The following ABCA8 variants were observed in gnomAD, a reference collection of about 807,000 sequenced individuals.
ABCA8 encodes ABC-type organic anion transporter ABCA8.
Under a neutral mutation model 192.3 loss-of-function variants are expected in ABCA8, and 177 were observed. The ratio of observed to expected loss-of-function variants is 0.92; its 90% CI spans 0.81 to 1.04. ABCA8 has a LOEUF of 1.04. Ranked by LOEUF, ABCA8 falls within the 50% of genes least tolerant of loss-of-function variation. The pLI is 0.00. For missense variants in ABCA8, 1,915 were observed against 1,904.8 expected (o/e 1.01, Z -0.10); for synonymous variants, 642 against 690.2 (o/e 0.93, Z 1.09).
intron 34 of ABCA8, 24 bp downstream of exon 34, chr17:68,876,604 A>C: frequency 6.2e-7 from 1 of 1,614,142 alleles, no homozygotes. Flanking sequence ...GCACTTGCAG[A>C]GCAACACCAA....
chr17:68,868,133 A>G lies in ABCA8; in HGVS notation c.4818T>C (p.Asp1606=). The G allele has an allele frequency of 5.6e-6, 9 of 1,613,258 alleles. No homozygotes were observed. The highest frequency in any genetic ancestry group is 7.6e-6 in the Non-Finnish European group (9 of 1,179,604). Residue 1606 remains aspartate, a synonymous_variant, in exon 40 of 40, where the codon GAT becomes GAC. Transcript: ENST00000586539. ...KEQELGDFEE[D]FDPSVKWKLL... is the part of the protein sequence containing the mutation. The stretch of plus-strand genomic sequence containing the variant: ...GCTTCCACTTCACTGAGGGATCAAA[A>G]TCCTCCTCAAAATCACCCAGCTCCT...
chr17:68,907,494 C>A (rs1343524644), intron 18 of ABCA8, among the ~76,000 whole-genome samples: 1 of 151,942 alleles, frequency 6.6e-6, no homozygotes, highest in East Asian at 1.9e-4. Flanking sequence ...TTATGTTACA[C>A]ACTACTAGGG....
intron 3 of ABCA8, 48 bp downstream of exon 3, chr17:68,941,891 C>A: frequency 7.3e-7 from 1 of 1,361,384 alleles, no homozygotes; most frequent in Non-Finnish European, 1.0e-6. Flanking sequence ...CCAGGCAACA[C>A]GTATTTTCCT....
chr17:68,954,438 A>G lies in ABCA8; in HGVS notation c.-167+781T>C, dbSNP rs148054511. On this transcript the variant is annotated intron_variant, in intron 1 of 39. Coordinates refer to ENST00000586539, the MANE Select transcript of ABCA8 (RefSeq NM_001288985.2). ...TTATTGCCAACTTTGTTTCTTTCCA[A>G]TTTTTGTATGTTCTGCAGTTTATGT... Among the ~76,000 whole-genome samples the G allele has an allele frequency of 1.0e-3, 158 of 152,040 alleles. 1 individual carries two copies. The Middle Eastern group carries it at 0.024, about 23-fold the overall frequency.
intron 37 of ABCA8, among the ~76,000 whole-genome samples, chr17:68,874,953 G>C (rs904237989): frequency 1.3e-5 from 2 of 152,052 alleles, no homozygotes; most frequent in East Asian, 1.9e-4. Flanking sequence ...ATTTACGAAG[G>C]ATACTCACAA....
intron 7 of ABCA8, 153 bp downstream of exon 7, chr17:68,932,135 G>C (rs1193268610): frequency 1.8e-6 from 1 of 557,060 alleles, no homozygotes; most frequent in Non-Finnish European, 3.1e-6. Flanking sequence ...GCGTGAACCT[G>C]TGAGGCGGAG....
At chr17:68,880,974 G>C in intron 32 of ABCA8, 146 bp downstream of exon 32, 1 of 667,422 alleles carries the variant, frequency 1.5e-6, no homozygotes. Context: ...GCATTTATGT[G>C]ATAATTCGTG....
intron 21 of ABCA8, among the ~76,000 whole-genome samples, chr17:68,900,227 A>T (rs2066870988): frequency 1.3e-5 from 2 of 152,078 alleles, no homozygotes; most frequent in African/African-American, 4.8e-5. Flanking sequence ...GAAAAATAAA[A>T]TAACATGAAA....
In ABCA8 at chr17:68,875,713, A is replaced by T. The variant is rs2066185985; in HGVS notation, c.4391T>A (p.Phe1464Tyr). The T allele has an allele frequency of 1.2e-6, 2 of 1,614,004 alleles. No individual in the cohort carries two copies. Among genetic ancestry groups the T allele is most frequent in the African/African-American group, 1.3e-5 (1 of 75,036 alleles). The change falls in exon 36 of 40, where the codon TTT becomes TAT. Residue 1464 changes from phenylalanine to tyrosine, a missense_variant. Phe to Tyr is a conservative substitution (Grantham distance 22). Transcript: ENST00000586539. Reference protein sequence around the residue: ...QQMWQAIRATFRNTERGALLT... With the variant: ...QQMWQAIRATYRNTERGALLT... Reference sequence around the variant, plus strand: ...GAGGGCACCCCTTTCCGTGTTTCTAAAGGTGGCCCGGATGGCCTGCCTATA... The same window carrying T: ...GAGGGCACCCCTTTCCGTGTTTCTATAGGTGGCCCGGATGGCCTGCCTATA...
At chr17:68,902,570 GTATT>G in intron 21 of ABCA8, 139 bp downstream of exon 21, 1 of 620,736 alleles carries the variant, frequency 1.6e-6, no homozygotes, top group Non-Finnish European at 2.5e-6. Flanking sequence ...TTGGGGGCCT[GTATT>G]TATTATCTTT....
At chr17:68,949,767 T>G (rs550788358) in intron 1 of ABCA8, among the ~76,000 whole-genome samples, 43 of 152,244 alleles carry the variant, frequency 2.8e-4, no homozygotes, top group African/African-American at 9.6e-4. Flanking sequence ...AACCTCTCAA[T>G]AAACTAGGCA....
At chr17:68,943,866 TA>T (rs560156771) in intron 2 of ABCA8, among the ~76,000 whole-genome samples, 50 of 151,830 alleles carry the variant, frequency 3.3e-4, no homozygotes, top group Non-Finnish European at 5.6e-4. Context: ...TAGTATTCAT[TA>T]AAAAAAATTA....
At chr17:68,905,970 G>A (rs1360577817) in intron 19 of ABCA8, 74 bp downstream of exon 19, 1 of 1,354,822 alleles carries the variant, frequency 7.4e-7, no homozygotes, top group Admixed American at 2.5e-5. Context: ...CCCACATTTT[G>A]TAATCACATC....
At chr17:68,875,442 A>G (rs936216083) in intron 36 of ABCA8, 42 bp from the exon 37 acceptor site, 13 of 1,610,724 alleles carry the variant, frequency 8.1e-6, no homozygotes, top group Non-Finnish European at 1.1e-5. Context: ...AAAAAAAACC[A>G]TTCAGTATGT....
Position 68,895,005 on chromosome 17 carries a change from T to A in ABCA8, c.2773A>T (p.Ile925Phe), listed in dbSNP as rs1208668521. The change falls in exon 22 of 40, where the codon ATT (isoleucine) becomes TTT (phenylalanine). Residue 925 changes from isoleucine (I) to phenylalanine (F), a missense_variant. Coordinates refer to ENST00000586539, the MANE Select transcript of ABCA8 (RefSeq NM_001288985.2). ...TCCACAGACTGTATAAAGTCATCAA[T>A]GCTTGCCCCTAAGGTGTAGTTAAAG... The part of the protein sequence containing the change: ...LLIINKTGAS[I>F]DDFIQSVEHQ... The A allele has an allele frequency of 6.2e-7, 1 of 1,608,226 alleles. No individual in the cohort carries two copies. Among genetic ancestry groups the A allele is most frequent in the South Asian group, 1.1e-5 (1 of 89,326 alleles).
Position 68,953,823 on chromosome 17 carries a change from G to T in ABCA8, c.-167+1396C>A, listed in dbSNP as rs182223025. Among the ~76,000 whole-genome samples the T allele has an allele frequency of 6.6e-5, 10 of 152,144 alleles. No individual in the cohort carries two copies. In the East Asian group the frequency reaches 1.7e-3, roughly 26 times the overall value. ...ACTGTGATGTGCTACTACTCCTACC[G>T]GGGGTAGAGGGTAGTCTGCTGCTGT... On this transcript the variant is annotated intron_variant, in intron 1 of 39. Coordinates refer to ENST00000586539, the MANE Select transcript of ABCA8 (RefSeq NM_001288985.2).
chr17:68,878,737 A>C (rs1370119619), intron 32 of ABCA8: 1 of 152,246 alleles, frequency 6.6e-6, no homozygotes. Context: ...GAGGGTGTCC[A>C]TGATTGAAGT....
intron 37 of ABCA8, 91 bp downstream of exon 37, chr17:68,875,169 T>C: frequency 6.5e-7 from 1 of 1,537,240 alleles, no homozygotes; most frequent in South Asian, 1.2e-5. Context: ...CTCTTTCTTT[T>C]AGGTTTTCCT....
chr17:68,929,777 T>A, intron 7 of ABCA8, 75 bp from the exon 8 acceptor site: 3 of 1,314,072 alleles, frequency 2.3e-6, no homozygotes, highest in Non-Finnish European at 3.1e-6. Flanking sequence ...GATTCTAAGA[T>A]AACTCTTCAT....
Sources: allele counts gnomAD v4.1 joint callset (sites outside exome capture counted in the v4.1 genomes callset), GRCh38; gene constraint gnomAD v4.1.1; transcripts MANE v1.5; gene names NCBI Gene and HGNC (gene_info 2026-07-23, HGNC 2026-07-21).